Variants in OR52K1 observed in about 807,000 individuals in gnomAD.
OR52K1 encodes olfactory receptor 52K1.
OR52K1 carries 10 observed loss-of-function variants against 8.7 expected under a neutral mutation model. That is an observed-to-expected ratio of 1.15 (90% CI 0.71 to 1.95). OR52K1 has a LOEUF of 1.95. Ranked by LOEUF, OR52K1 falls within the 30% of genes most tolerant of loss-of-function variation. The pLI, the probability that OR52K1 is intolerant of heterozygous loss-of-function variation, is 0.00. For missense variants in OR52K1, 431 were observed against 397.2 expected (o/e 1.08, Z -0.72); for synonymous variants, 203 against 148.5 (o/e 1.37, Z -2.67).
chr11:4,483,145 C>T lies in OR52K1; in HGVS notation c.-360C>T, dbSNP rs575404908. On this transcript the variant is annotated 5_prime_UTR_variant, in exon 1 of 2. The change creates a new upstream start codon in the 5' untranslated region. Transcript: ENST00000641528. ...TCTGCATTAGTCAAGAGGAAGAAAA[C>T]GAGGCCTGAACTAGAAAGATGGCAG... 4.3e-5 allele frequency: 17 copies of T among 398,552 alleles called. No individual in the cohort carries two copies. In the South Asian group the frequency reaches 1.3e-3, roughly 30 times the overall value. 24.7% of individuals were successfully genotyped at this position (398,552 alleles called of 1,614,324 possible).
rs898126954 is a variant in OR52K1, at chr11:4,492,726, A to G, written c.*2881A>G. 1 of 152,238 alleles carries G rather than the reference A, an allele frequency of 6.6e-6. No homozygotes were observed. Among genetic ancestry groups the G allele is most frequent in the East Asian group, 1.9e-4 (1 of 5,194 alleles). The allele number at this position is 152,238 out of a possible 1,614,324, so 9.4% of individuals were successfully genotyped here. A position where few individuals can be genotyped will look rare whatever the true frequency, so the allele number is the denominator to read the frequency against. On this transcript the variant is annotated 3_prime_UTR_variant, in exon 2 of 2. Transcript: ENST00000641528. ...AAGAAGCTCCCATACATACTTTTAC[A>G]TGATCTACTTATACTGTAGGGACCA...
rs1285183923 is a variant in OR52K1 at position 4,492,474 on chromosome 11, G to A, written c.*2629G>A. On this transcript the variant is annotated 3_prime_UTR_variant, in exon 2 of 2. Coordinates refer to ENST00000641528, the MANE Select transcript of OR52K1 (RefSeq NM_001005171.3). ...GAACAAGGATGATTTTGTTGTTTTT[G>A]TAGTGAACCACTGAAATTTGGGAGT... 1 of 152,144 alleles carries A rather than the reference G, an allele frequency of 6.6e-6. No homozygotes were observed. Among genetic ancestry groups the A allele is most frequent in the Non-Finnish European group, 1.5e-5 (1 of 68,012 alleles). The allele number at this position is 152,144 out of a possible 1,614,324, so 9.4% of individuals were successfully genotyped here.
In OR52K1 at chr11:4,482,790, G is replaced by A. The variant is rs188907621; in HGVS notation, c.-715G>A. ...TGATGTTATTGGGGTGAGCAGGAAG[G>A]TGGGAGTGAGCTGGAAGGTGGGGGC... On this transcript the variant is annotated 5_prime_UTR_variant, in exon 1 of 2. The change creates a new upstream start codon in the 5' untranslated region. Coordinates refer to ENST00000641528, the MANE Select transcript of OR52K1 (RefSeq NM_001005171.3). 1 of 220,358 alleles carries A rather than the reference G, an allele frequency of 4.5e-6. No homozygotes were observed. Among genetic ancestry groups the A allele is most frequent in the East Asian group, 9.2e-5 (1 of 10,922 alleles). The allele number at this position is 220,358 out of a possible 1,614,324, so 13.7% of individuals were successfully genotyped here.
intron 1 of OR52K1, among the ~76,000 whole-genome samples, chr11:4,485,916 T>C (rs755046674): frequency 1.3e-5 from 2 of 152,198 alleles, no homozygotes; most frequent in Non-Finnish European, 2.9e-5. Context: ...CTACCTGTGC[T>C]GGCTGCCTGC....
chr11:4,489,400 G>A lies in OR52K1; in HGVS notation c.500G>A (p.Arg167His), dbSNP rs529182149. Residue 167 changes from arginine to histidine, a missense_variant, in exon 2 of 2, where the codon CGC (arginine) becomes CAC (histidine). Coordinates refer to ENST00000641528, the MANE Select transcript of OR52K1 (RefSeq NM_001005171.3). ...LMTPLPFLLR[R>H]FHYCRGPVIA... The stretch of plus-strand genomic sequence containing the variant: ...ACTCCACTCCCCTTCCTGCTCAGAC[G>A]CTTCCACTACTGCCGAGGCCCAGTG... 9.9e-5 allele frequency: 160 copies of A among 1,614,194 alleles called. 2 individuals are homozygous for A. The East Asian group carries it at 3.2e-3, about 32-fold the overall frequency.
chr11:4,489,926 A>C lies in OR52K1; in HGVS notation c.*81A>C. On this transcript the variant is annotated 3_prime_UTR_variant, in exon 2 of 2. Coordinates refer to ENST00000641528, the MANE Select transcript of OR52K1 (RefSeq NM_001005171.3). ...GGTTGAGGGGAAAAATCTAAATAGG[A>C]AAATTGCAGAGTATCTTTGACAATT... The C allele has an allele frequency of 3.1e-6, 3 of 956,348 alleles. No homozygotes were observed. The highest frequency in any genetic ancestry group is 4.7e-6 in the Non-Finnish European group (3 of 633,314). The allele number at this position is 956,348 out of a possible 1,614,324, so 59.2% of individuals were successfully genotyped here. A position where few individuals can be genotyped will look rare whatever the true frequency, so the allele number is the denominator to read the frequency against.
In OR52K1 at chr11:4,489,244, C is replaced by T; in HGVS notation, c.344C>T (p.Ala115Val). The T allele has an allele frequency of 6.2e-7, 1 of 1,614,218 alleles. No individual in the cohort carries two copies. Reference protein sequence around the residue: ...FLHSFSIMESAVLLAMAFDRY... With the variant: ...FLHSFSIMESVVLLAMAFDRY... ...CACTCCTTCTCCATCATGGAGTCAGCAGTGCTGCTGGCCATGGCCTTTGAC... is the reference window on the plus strand; with the variant it reads ...CACTCCTTCTCCATCATGGAGTCAGTAGTGCTGCTGGCCATGGCCTTTGAC... The change falls in exon 2 of 2, where the codon GCA (alanine) becomes GTA (valine). Residue 115 changes from alanine to valine, a missense_variant. Coordinates refer to ENST00000641528, the MANE Select transcript of OR52K1 (RefSeq NM_001005171.3).
At chr11:4,484,825 A>AACACACACACACACACACACAC (rs1429995858) in intron 1 of OR52K1, among the ~76,000 whole-genome samples, 4 of 131,766 alleles carry the variant, frequency 3.0e-5, no homozygotes, top group African/African-American at 1.1e-4. Context: ...TCTGTTCTAA[A>AACACACACACACACACACACAC]ACACACAGAC....
At chr11:4,487,108 A>T (rs571153387) in intron 1 of OR52K1, among the ~76,000 whole-genome samples, 34 of 152,346 alleles carry the variant, frequency 2.2e-4, no homozygotes, top group Middle Eastern at 3.4e-3. Flanking sequence ...AATAAAATCC[A>T]GATTGATATG....
rs1331772113 is a variant in OR52K1 at position 4,491,408 on chromosome 11, TTGAC to T, written c.*1567_*1570del. ...AAAGACCTAAAAACAGAAATACCAT[TTGAC>T]TGAGTGATCCTTTAGTGGGTATGTA... On this transcript the variant is annotated 3_prime_UTR_variant, in exon 2 of 2. Transcript: ENST00000641528. The T allele has an allele frequency of 6.6e-6, 1 of 152,222 alleles. No individual in the cohort carries two copies. The highest frequency in any genetic ancestry group is 1.9e-4 in the East Asian group (1 of 5,202). The allele number at this position is 152,222 out of a possible 1,614,324, so 9.4% of individuals were successfully genotyped here.
At chr11:4,486,913 C>T (rs963397198) in intron 1 of OR52K1, among the ~76,000 whole-genome samples, 1 of 152,172 alleles carries the variant, frequency 6.6e-6, no homozygotes, top group Non-Finnish European at 1.5e-5. Flanking sequence ...AAGTGAGACA[C>T]TCTGGAGCTG....
At position 4,489,915 on chromosome 11, in the gene OR52K1, A is replaced by T; in HGVS notation, c.*70A>T. Reference sequence around the variant, plus strand: ...TGCTGGATTGGGGTTGAGGGGAAAAATCTAAATAGGAAAATTGCAGAGTAT... The same window carrying T: ...TGCTGGATTGGGGTTGAGGGGAAAATTCTAAATAGGAAAATTGCAGAGTAT... On this transcript the variant is annotated 3_prime_UTR_variant, in exon 2 of 2. Transcript: ENST00000641528. 1 of 1,105,472 alleles carries T rather than the reference A, an allele frequency of 9.0e-7. No homozygotes were observed. The highest frequency in any genetic ancestry group is 1.5e-5 in the South Asian group (1 of 66,982). The allele number at this position is 1,105,472 out of a possible 1,614,324, so 68.5% of individuals were successfully genotyped here. A position where few individuals can be genotyped will look rare whatever the true frequency, so the allele number is the denominator to read the frequency against.
Position 4,489,923 on chromosome 11 carries a change from A to C in OR52K1, c.*78A>C. The C allele has an allele frequency of 1.0e-6, 1 of 1,001,684 alleles. No individual in the cohort carries two copies. Among genetic ancestry groups the C allele is most frequent in the Non-Finnish European group, 1.5e-6 (1 of 674,152 alleles). 62.0% of individuals were successfully genotyped at this position (1,001,684 alleles called of 1,614,324 possible). On this transcript the variant is annotated 3_prime_UTR_variant, in exon 2 of 2. Transcript: ENST00000641528. ...TGGGGTTGAGGGGAAAAATCTAAAT[A>C]GGAAAATTGCAGAGTATCTTTGACA...
rs760417933 is a variant in OR52K1 at position 4,491,164 on chromosome 11, T to A, written c.*1319T>A. On this transcript the variant is annotated 3_prime_UTR_variant, in exon 2 of 2. Transcript: ENST00000641528. ...TATTTAGTCTCCTGTCCTTCTATCA[T>A]GGGTAGGGTATTTCCTTCACTCCAC... 11 of 152,224 alleles carry A rather than the reference T, an allele frequency of 7.2e-5. No homozygotes were observed. Among genetic ancestry groups the A allele is most frequent in the Non-Finnish European group, 7.3e-5 (5 of 68,034 alleles). The allele number at this position is 152,224 out of a possible 1,614,324, so 9.4% of individuals were successfully genotyped here. A position where few individuals can be genotyped will look rare whatever the true frequency, so the allele number is the denominator to read the frequency against.
Position 4,492,493 on chromosome 11 carries a change from TG to T in OR52K1, c.*2651del, listed in dbSNP as rs1274259189. 1.3e-5 allele frequency: 2 copies of T among 152,204 alleles called. No individual in the cohort carries two copies. The highest frequency in any genetic ancestry group is 4.8e-5 in the African/African-American group (2 of 41,458). 9.4% of individuals were successfully genotyped at this position (152,204 alleles called of 1,614,324 possible). A position where few individuals can be genotyped will look rare whatever the true frequency, so the allele number is the denominator to read the frequency against. On this transcript the variant is annotated 3_prime_UTR_variant, in exon 2 of 2. Transcript: ENST00000641528. ...GTTTTTGTAGTGAACCACTGAAATT[TG>T]GGAGTTGTTTGTTTCACAGCCTTAC... is the stretch of plus-strand genomic sequence containing the variant.
At chr11:4,486,051 C>G (rs1288036498) in intron 1 of OR52K1, among the ~76,000 whole-genome samples, 1 of 152,166 alleles carries the variant, frequency 6.6e-6, no homozygotes, top group East Asian at 1.9e-4. Flanking sequence ...TTCTCATGTC[C>G]TGTCATCTCC....
chr11:4,488,429 G>A (rs1846337757), intron 1 of OR52K1, 144 bp from the exon 2 acceptor site: 1 of 160,152 alleles, frequency 6.2e-6, no homozygotes, highest in East Asian at 1.9e-4. Flanking sequence ...CAATGGGTTT[G>A]ACTTATACAT....
At position 4,488,866 on chromosome 11, in the gene OR52K1, C is replaced by G; in HGVS notation, c.-35C>G. 1 of 1,458,856 alleles carries G rather than the reference C, an allele frequency of 6.9e-7. No individual in the cohort carries two copies. Among genetic ancestry groups the G allele is most frequent in the Non-Finnish European group, 9.5e-7 (1 of 1,047,896 alleles). 90.4% of individuals were successfully genotyped at this position (1,458,856 alleles called of 1,614,324 possible). The stretch of plus-strand genomic sequence containing the variant: ...AAGGTATATATAGAAGGTGAAGAAG[C>G]CCTGTAAAAATTGACAAGGAGATTT... On this transcript the variant is annotated 5_prime_UTR_variant, in exon 2 of 2. Coordinates refer to ENST00000641528, the MANE Select transcript of OR52K1 (RefSeq NM_001005171.3).
intron 1 of OR52K1, 75 bp downstream of exon 1, chr11:4,483,251 C>G (rs569955326): frequency 5.0e-6 from 2 of 398,328 alleles, no homozygotes; most frequent in African/African-American, 2.1e-5. Flanking sequence ...GATTATCCTT[C>G]CTTGTCTGGT....
Sources: allele counts gnomAD v4.1 joint callset (sites outside exome capture counted in the v4.1 genomes callset), GRCh38; gene constraint gnomAD v4.1.1; transcripts MANE v1.5; gene names NCBI Gene and HGNC (gene_info 2026-07-23, HGNC 2026-07-21).